IFT122: variants seen among roughly 807,000 people sequenced by gnomAD.
IFT122 encodes intraflagellar transport protein 122 homolog.
A neutral mutation model predicts 161.6 loss-of-function variants in IFT122; 118 were observed. That is an observed-to-expected ratio of 0.73 (90% confidence interval 0.63 to 0.85). IFT122 has a LOEUF of 0.85. Ranked by LOEUF, IFT122 falls within the 40% of genes least tolerant of loss-of-function variation. The pLI, the probability that IFT122 is intolerant of heterozygous loss-of-function variation, is 0.00. For missense variants in IFT122, 1,381 were observed against 1,579.6 expected (o/e 0.87, Z 2.13); for synonymous variants, 550 against 602.4 (o/e 0.91, Z 1.27).
chr3:129,465,355 C>T (rs934586099), intron 7 of IFT122, among the ~76,000 whole-genome samples: 4 of 151,824 alleles, frequency 2.6e-5, no homozygotes, highest in East Asian at 1.9e-4. Context: ...AGTCTACAGA[C>T]GTCCCTAAAG....
rs61439083 is a variant in IFT122 at position 129,465,465 on chromosome 3, C to CTTT, written c.563+705_563+707dup. Among the ~76,000 whole-genome samples the CTTT allele has an allele frequency of 2.3e-3, 232 of 101,242 alleles. 1 individual carries two copies. The highest frequency in any genetic ancestry group is 5.6e-3 in the African/African-American group (119 of 21,326). 66.4% of individuals were successfully genotyped at this position (101,242 alleles called of 152,430 possible). On this transcript the variant is annotated intron_variant, in intron 7 of 29. Coordinates refer to ENST00000348417, the MANE Select transcript of IFT122 (RefSeq NM_052989.3). ...TTTGAGAGTAAACTAATTATATGCTCTTTTTTTTTTTTTTTTTTTTTTTGA... is the reference window on the plus strand; with the variant it reads ...TTTGAGAGTAAACTAATTATATGCTCTTTTTTTTTTTTTTTTTTTTTTTTTTGA...
intron 23 of IFT122, among the ~76,000 whole-genome samples, chr3:129,510,628 G>T (rs935218225): frequency 2.6e-5 from 4 of 152,048 alleles, no homozygotes; most frequent in Non-Finnish European, 5.9e-5. Flanking sequence ...CTTTTCTCTC[G>T]CTGCTCCCTG....
intron 7 of IFT122, among the ~76,000 whole-genome samples, chr3:129,466,183 A>G (rs2076753543): frequency 6.6e-6 from 1 of 152,176 alleles, no homozygotes. Flanking sequence ...AGGGTAAACG[A>G]AAGGTCCTAC....
intron 4 of IFT122, 86 bp from the exon 5 acceptor site, chr3:129,461,142 G>T: frequency 8.7e-7 from 1 of 1,145,818 alleles, no homozygotes; most frequent in Middle Eastern, 1.9e-4. Context: ...GTCAGAGGCT[G>T]TGGGCTCATT....
At chr3:129,514,963 C>G in intron 25 of IFT122, 1 of 378,854 alleles carries the variant, frequency 2.6e-6, no homozygotes, top group Non-Finnish European at 5.0e-6. Context: ...CACTCCCAAC[C>G]CACATTCCTT....
rs1330382797 is a variant in IFT122 at position 129,449,916 on chromosome 3, G to T, written c.87G>T (p.Leu29Phe). 6.2e-7 allele frequency: 1 copy of T among 1,612,824 alleles called. No homozygotes were observed. Among genetic ancestry groups the T allele is most frequent in the Admixed American group, 1.7e-5 (1 of 59,988 alleles). The change falls in exon 2 of 30, where the codon TTG becomes TTT. Residue 29 changes from leucine to phenylalanine, a missense_variant. Around this residue, in one of 7 missense-constraint regions of IFT122, gnomAD observed 134 missense variants for 137.4 expected, o/e 0.98. Transcript: ENST00000348417. ...AGCCTGATGGAACTCAACTGATTTT[G>T]GCTGCCGGAAGCAGATTACTGGTAG... ...AFKPDGTQLI[L>F]AAGSRLLVYD...
chr3:129,462,599 T>G (rs2076311030), intron 5 of IFT122, among the ~76,000 whole-genome samples: 1 of 152,196 alleles, frequency 6.6e-6, no homozygotes, highest in Admixed American at 6.5e-5. Context: ...GCAGGCTTAG[T>G]GGAACACAGA....
intron 5 of IFT122, among the ~76,000 whole-genome samples, chr3:129,462,781 A>G (rs557655027): frequency 6.6e-6 from 1 of 152,318 alleles, no homozygotes; most frequent in South Asian, 2.1e-4. Flanking sequence ...GTCTAGACAT[A>G]CACTTGCTAT....
intron 3 of IFT122, among the ~76,000 whole-genome samples, chr3:129,454,711 T>C (rs1273467190): frequency 6.6e-5 from 10 of 152,184 alleles, no homozygotes; most frequent in East Asian, 1.9e-4. Flanking sequence ...AGAAGAGCTA[T>C]TGGGCCTCTG....
intron 28 of IFT122, 92 bp from the exon 29 acceptor site, chr3:129,519,476 A>T: frequency 6.5e-7 from 1 of 1,541,902 alleles, no homozygotes; most frequent in East Asian, 2.3e-5. Context: ...GTCCTCTCTC[A>T]CCACTGCCAA....
At chr3:129,452,058 C>G (rs2074924319) in intron 3 of IFT122, 60 bp downstream of exon 3, 11 of 1,242,358 alleles carry the variant, frequency 8.9e-6, no homozygotes, top group Non-Finnish European at 1.3e-5. Context: ...TCATTTTTCT[C>G]TTTAGTCACT....
At chr3:129,460,323 T>C (rs1405933941) in intron 4 of IFT122, among the ~76,000 whole-genome samples, 1 of 152,228 alleles carries the variant, frequency 6.6e-6, no homozygotes, top group Non-Finnish European at 1.5e-5. Context: ...TGTTTGTTCT[T>C]TTGTGGCTGA....
intron 18 of IFT122, among the ~76,000 whole-genome samples, chr3:129,499,101 C>G (rs981480942): frequency 6.6e-6 from 1 of 152,254 alleles, no homozygotes; most frequent in Admixed American, 6.5e-5. Flanking sequence ...AGGTCCTCTC[C>G]TGAGCACCTT....
chr3:129,509,660 G>A (rs1246693067), intron 23 of IFT122, among the ~76,000 whole-genome samples: 2 of 152,174 alleles, frequency 1.3e-5, no homozygotes, highest in Admixed American at 6.5e-5. Context: ...TTGAAATGAT[G>A]TATAACATAA....
rs2077985933 is a variant in IFT122 at position 129,476,666 on chromosome 3, G to A, written c.1012G>A (p.Val338Ile). 1.2e-6 allele frequency: 2 copies of A among 1,614,212 alleles called. No individual in the cohort carries two copies. Among genetic ancestry groups the A allele is most frequent in the South Asian group, 2.2e-5 (2 of 91,084 alleles). The change falls in exon 11 of 30, where the codon GTC becomes ATC. Residue 338 changes from valine (V) to isoleucine (I), a missense_variant. Around this residue, in one of 7 missense-constraint regions of IFT122, gnomAD observed 544 missense variants for 648.0 expected, o/e 0.84. Transcript: ENST00000348417. ...TGACAGTTCTCTCACCCCGCAGGTG[G>A]TCGGCTGCCAGGACGGCACCATTTC... ...QAKPDSNYVV[V>I]GCQDGTISFY...
chr3:129,500,583 G>T (rs1248004783), intron 19 of IFT122, among the ~76,000 whole-genome samples: 1 of 152,098 alleles, frequency 6.6e-6, no homozygotes, highest in Non-Finnish European at 1.5e-5. Flanking sequence ...GAATTCTTAT[G>T]GGAGGAACCA....
At chr3:129,470,573 T>A (rs1380577608) in intron 9 of IFT122, among the ~76,000 whole-genome samples, 1 of 148,252 alleles carries the variant, frequency 6.7e-6, no homozygotes, top group Non-Finnish European at 1.5e-5. Context: ...CCTATGATTT[T>A]TTGTTTGTTT....
intron 23 of IFT122, among the ~76,000 whole-genome samples, chr3:129,508,802 A>G (rs2082466528): frequency 8.1e-6 from 1 of 123,914 alleles, no homozygotes; most frequent in Admixed American, 7.5e-5. Context: ...GGTCAGGTGA[A>G]TATTGCGATG....
At chr3:129,454,423 T>C (rs904024485) in intron 3 of IFT122, among the ~76,000 whole-genome samples, 1 of 151,046 alleles carries the variant, frequency 6.6e-6, no homozygotes, top group African/African-American at 2.4e-5. Flanking sequence ...ACAAGTCATG[T>C]GACTTGCCAA....
Sources: gnomAD v4.1 joint callset for allele counts (sites outside exome capture counted in the v4.1 genomes callset) on GRCh38, gnomAD v4.1.1 for gene constraint, gnomAD v4.1.1 regional missense constraint, MANE v1.5 for transcripts, NCBI Gene and HGNC (gene_info 2026-07-23, HGNC 2026-07-21) for gene names.